Variants in ARHGAP18 observed in about 807,000 individuals in gnomAD.
ARHGAP18 encodes the protein Rho GTPase activating protein 18.
A neutral mutation model predicts 86.2 loss-of-function variants in ARHGAP18; 67 were observed. That is an observed-to-expected ratio of 0.78 (90% confidence interval 0.64 to 0.95). ARHGAP18 has a LOEUF of 0.95. Ranked by LOEUF, ARHGAP18 falls within the 40% of genes least tolerant of loss-of-function variation. ARHGAP18 has a pLI of 0.00. For synonymous variants in ARHGAP18, 283 were observed against 280.4 expected (o/e 1.01, Z -0.09); for missense variants, 691 against 780.4 (o/e 0.89, Z 1.37).
chr6:129,607,821 C>A (rs1420275802), intron 9 of ARHGAP18, 72 bp downstream of exon 9: 3 of 1,438,764 alleles, frequency 2.1e-6, no homozygotes, highest in African/African-American at 1.5e-5. Flanking sequence ...CTTTGTGATG[C>A]CAAATGTCAT....
chr6:129,623,557 C>T (rs2114476191), intron 5 of ARHGAP18, among the ~76,000 whole-genome samples: 1 of 152,210 alleles, frequency 6.6e-6, no homozygotes, highest in African/African-American at 2.4e-5. Context: ...CAACAGAGAA[C>T]AATGTATTAC....
intron 12 of ARHGAP18, among the ~76,000 whole-genome samples, chr6:129,595,228 C>T (rs1183999779): frequency 6.6e-6 from 1 of 152,176 alleles, no homozygotes; most frequent in Non-Finnish European, 1.5e-5. Context: ...TATAGCACTA[C>T]ACCATTCACT....
intron 2 of ARHGAP18, among the ~76,000 whole-genome samples, chr6:129,640,072 A>AAAAAC: frequency 6.6e-6 from 1 of 151,160 alleles, no homozygotes; most frequent in Admixed American, 6.6e-5. Flanking sequence ...AAACAAACAA[A>AAAAAC]AGTCAGCCAT....
chr6:129,696,826 A>G (rs1043584017), intron 1 of ARHGAP18, among the ~76,000 whole-genome samples: 1 of 152,214 alleles, frequency 6.6e-6, no homozygotes, highest in Non-Finnish European at 1.5e-5. Context: ...AGATCAGGAA[A>G]GGCAGGTAAG....
chr6:129,644,501 T>C (rs1331959851), intron 1 of ARHGAP18, among the ~76,000 whole-genome samples: 2 of 152,220 alleles, frequency 1.3e-5, no homozygotes, highest in Non-Finnish European at 2.9e-5. Flanking sequence ...GCCAGCTTCA[T>C]TTTTCGTATT....
At position 129,576,753 on chromosome 6, in the gene ARHGAP18, T is replaced by C. The variant is rs1270681513; in HGVS notation, c.*1760A>G. On this transcript the variant is annotated 3_prime_UTR_variant, in exon 15 of 15. Coordinates refer to ENST00000368149, the MANE Select transcript of ARHGAP18 (RefSeq NM_033515.3). ...TATCTTTTTTTTTGAAGTTGTATAC[T>C]CCTAAAATGTTTTAAGCACTTAATT... 1 of 152,112 alleles carries C rather than the reference T, an allele frequency of 6.6e-6. No individual in the cohort carries two copies. The highest frequency in any genetic ancestry group is 1.5e-5 in the Non-Finnish European group (1 of 68,018). 9.4% of individuals were successfully genotyped at this position (152,112 alleles called of 1,614,324 possible). A position where few individuals can be genotyped will look rare whatever the true frequency, so the allele number is the denominator to read the frequency against.
At chr6:129,627,087 A>T (rs1789492622) in intron 5 of ARHGAP18, among the ~76,000 whole-genome samples, 1 of 152,134 alleles carries the variant, frequency 6.6e-6, no homozygotes, top group Admixed American at 6.6e-5. Context: ...GTCCAGGATC[A>T]CATCAAATAT....
At chr6:129,630,873 A>T (rs1277771019) in intron 4 of ARHGAP18, among the ~76,000 whole-genome samples, 2 of 152,186 alleles carry the variant, frequency 1.3e-5, no homozygotes, top group Non-Finnish European at 2.9e-5. Context: ...TCCTGATGGA[A>T]TCTCACAGTT....
intron 1 of ARHGAP18, among the ~76,000 whole-genome samples, chr6:129,687,784 C>A (rs2114543783): frequency 1.2e-5 from 1 of 85,326 alleles, no homozygotes; most frequent in African/African-American, 3.7e-5. Context: ...CAATAGTAAC[C>A]AAACATTTTT....
intron 1 of ARHGAP18, among the ~76,000 whole-genome samples, chr6:129,681,090 T>C (rs1442944356): frequency 6.6e-6 from 1 of 152,202 alleles, no homozygotes; most frequent in Non-Finnish European, 1.5e-5. Context: ...GTTGTTGTTG[T>C]TTTTTGAGAC....
At chr6:129,684,739 C>CA (rs1774397448) in intron 1 of ARHGAP18, among the ~76,000 whole-genome samples, 1 of 152,100 alleles carries the variant, frequency 6.6e-6, no homozygotes, top group South Asian at 2.1e-4. Context: ...AGCATATAAT[C>CA]AGAAGTACAC....
At chr6:129,684,780 A>AGAG (rs1774398164) in intron 1 of ARHGAP18, among the ~76,000 whole-genome samples, 3 of 152,232 alleles carry the variant, frequency 2.0e-5, no homozygotes, top group Admixed American at 2.0e-4. Context: ...AAATCATGAA[A>AGAG]GCCAAGAAAT....
intron 9 of ARHGAP18, 65 bp downstream of exon 9, chr6:129,607,828 T>C (rs969975923): frequency 6.2e-6 from 9 of 1,447,896 alleles, no homozygotes; most frequent in African/African-American, 1.4e-5. Context: ...ATGCCAAATG[T>C]CATTAAAACA....
intron 1 of ARHGAP18, among the ~76,000 whole-genome samples, chr6:129,706,976 C>G (rs910406543): frequency 6.6e-6 from 1 of 151,476 alleles, no homozygotes. Context: ...CCTGTAATCC[C>G]AGCACTTTGG....
At chr6:129,629,633 G>T in intron 4 of ARHGAP18, 111 bp from the exon 5 acceptor site, 1 of 1,118,632 alleles carries the variant, frequency 8.9e-7, no homozygotes. Flanking sequence ...ATTTTCTCTA[G>T]GCAATACTTA....
At chr6:129,694,962 A>G (rs1054760151) in intron 1 of ARHGAP18, among the ~76,000 whole-genome samples, 5 of 152,246 alleles carry the variant, frequency 3.3e-5, no homozygotes, top group African/African-American at 1.2e-4. Flanking sequence ...AAGCACAAGA[A>G]AGACAGCTAC....
At chr6:129,621,501 T>C (rs1789228916) in intron 5 of ARHGAP18, among the ~76,000 whole-genome samples, 2 of 151,776 alleles carry the variant, frequency 1.3e-5, no homozygotes, top group African/African-American at 4.8e-5. Context: ...GAGAGTGGAG[T>C]CAGACTACAG....
chr6:129,583,043 A>G (rs1054842947), intron 13 of ARHGAP18, among the ~76,000 whole-genome samples: 2 of 152,230 alleles, frequency 1.3e-5, no homozygotes, highest in African/African-American at 4.8e-5. Flanking sequence ...TTATGGTACT[A>G]GAAGTATTTA....
At chr6:129,672,789 A>T (rs879746235) in intron 1 of ARHGAP18, among the ~76,000 whole-genome samples, 13 of 152,258 alleles carry the variant, frequency 8.5e-5, no homozygotes, top group Non-Finnish European at 1.8e-4. Context: ...CTCAAAAAAC[A>T]TATTTCCTTC....
Sources: gnomAD v4.1 joint callset for allele counts (sites outside exome capture counted in the v4.1 genomes callset) on GRCh38, gnomAD v4.1.1 for gene constraint, MANE v1.5 for transcripts, NCBI Gene and HGNC (gene_info 2026-07-23, HGNC 2026-07-21) for gene names.